The following CNOT6L variants were observed in gnomAD, a reference collection of about 807,000 sequenced individuals.
The protein encoded by CNOT6L is CCR4-NOT transcription complex subunit 6 like.
A neutral mutation model predicts 64.0 loss-of-function variants in CNOT6L; 7 were observed. The observed-to-expected ratio is 0.11, with a 90% confidence interval of 0.06 to 0.21. CNOT6L has a LOEUF of 0.21. Among genes scored for constraint, CNOT6L ranks in the 10% least tolerant of loss-of-function variants. CNOT6L has a pLI of 1.00. For synonymous variants in CNOT6L, 193 were observed against 243.4 expected, an observed-to-expected ratio of 0.79 and a Z score of 1.93; for missense variants, 245 against 669.0, an observed-to-expected ratio of 0.37 and a Z score of 6.99.
chr4:77,810,717 T>TGC (rs1732835121), intron 1 of CNOT6L, among the ~76,000 whole-genome samples: 1 of 152,176 alleles, frequency 6.6e-6, no homozygotes, highest in African/African-American at 2.4e-5. Context: ...CATCCTACAG[T>TGC]GCTACAGAAC....
At chr4:77,797,957 A>G (rs1397112050) in intron 1 of CNOT6L, among the ~76,000 whole-genome samples, 2 of 152,204 alleles carry the variant, frequency 1.3e-5, no homozygotes, top group African/African-American at 4.8e-5. Flanking sequence ...TTCAACACCA[A>G]AACAAAAGCA....
Position 77,766,806 on chromosome 4 carries a change from G to C in CNOT6L, c.400+6275C>G, listed in dbSNP as rs147235514. ...TGGCCAGGCACGGTGGCTCATACCT[G>C]TAATCCCAGCACTTTGAGAGGCAAA... On this transcript the variant is annotated intron_variant, in intron 4 of 11. Coordinates refer to ENST00000504123, the MANE Select transcript of CNOT6L (RefSeq NM_144571.3). Among the ~76,000 whole-genome samples the C allele has an allele frequency of 9.9e-4, 150 of 151,694 alleles. 1 individual carries two copies. The highest frequency in any genetic ancestry group is 3.1e-3 in the African/African-American group (129 of 41,446).
rs1439096522 is a variant in CNOT6L at position 77,719,151 on chromosome 4, C to T, written c.*1280G>A. On this transcript the variant is annotated 3_prime_UTR_variant, in exon 12 of 12. Transcript: ENST00000504123. Reference sequence around the variant, plus strand: ...CAATTTTTCCCCAGAAAACAGTATTCTGTTCACTGCCTCTTGAGTCACAGA... The same window carrying T: ...CAATTTTTCCCCAGAAAACAGTATTTTGTTCACTGCCTCTTGAGTCACAGA... The T allele has an allele frequency of 6.6e-6, 1 of 152,624 alleles. No individual in the cohort carries two copies. Among genetic ancestry groups the T allele is most frequent in the East Asian group, 1.9e-4 (1 of 5,202 alleles). The allele number at this position is 152,624 out of a possible 1,614,324, so 9.5% of individuals were successfully genotyped here. A position where few individuals can be genotyped will look rare whatever the true frequency, so the allele number is the denominator to read the frequency against.
intron 6 of CNOT6L, among the ~76,000 whole-genome samples, chr4:77,745,424 TGTGAG>T (rs1724079622): frequency 2.6e-5 from 4 of 152,346 alleles, no homozygotes; most frequent in African/African-American, 9.6e-5. Context: ...ATAAAAAGAC[TGTGAG>T]CAAACTAATA....
chr4:77,797,834 C>T (rs1731042071), intron 1 of CNOT6L, among the ~76,000 whole-genome samples: 1 of 152,130 alleles, frequency 6.6e-6, no homozygotes. Context: ...AAGGGTGGGA[C>T]TACTCTATGT....
chr4:77,723,335 G>A (rs1358296483), intron 11 of CNOT6L, among the ~76,000 whole-genome samples: 1 of 152,128 alleles, frequency 6.6e-6, no homozygotes, highest in Non-Finnish European at 1.5e-5. Context: ...GTTCAAGGAC[G>A]AAGAAAGTAA....
Position 77,715,204 on chromosome 4 carries a change from G to T in CNOT6L, c.*5227C>A, listed in dbSNP as rs1028202753. On this transcript the variant is annotated 3_prime_UTR_variant, in exon 12 of 12. Transcript: ENST00000504123. ...AGGCACCAAACTAGAGCCTCCGAAA[G>T]ATTCTGAAAGCTGAATGGACCATGC... The T allele has an allele frequency of 2.0e-5, 3 of 152,084 alleles. No homozygotes were observed. Among genetic ancestry groups the T allele is most frequent in the African/African-American group, 7.2e-5 (3 of 41,434 alleles). 9.4% of individuals were successfully genotyped at this position (152,084 alleles called of 1,614,324 possible).
chr4:77,748,135 A>G (rs1021669976), intron 6 of CNOT6L, among the ~76,000 whole-genome samples, 181 bp downstream of exon 6: 3 of 152,212 alleles, frequency 2.0e-5, no homozygotes, highest in Admixed American at 6.5e-5. Flanking sequence ...TGTGAAAGAT[A>G]TAAGACACCT....
At chr4:77,764,937 A>G (rs1032345006) in intron 4 of CNOT6L, among the ~76,000 whole-genome samples, 1 of 152,198 alleles carries the variant, frequency 6.6e-6, no homozygotes, top group African/African-American at 2.4e-5. Context: ...GAGCAACTCT[A>G]TCTTGAGTAG....
At position 77,729,171 on chromosome 4, in the gene CNOT6L, G is replaced by A. The variant is rs1722173384; in HGVS notation, c.1025-90C>T. 5.8e-6 allele frequency: 5 copies of A among 867,294 alleles called. No homozygotes were observed. The East Asian group carries it at 1.2e-4, about 21-fold the overall frequency. 53.7% of individuals were successfully genotyped at this position (867,294 alleles called of 1,614,324 possible). On this transcript the variant is annotated intron_variant, in intron 9 of 11. Transcript: ENST00000504123. Reference sequence around the variant, plus strand: ...TCAGGTTTTCTCAATATGATCCACAGCTACTTCTTTACTCTTTTCCATGAA... The same window carrying A: ...TCAGGTTTTCTCAATATGATCCACAACTACTTCTTTACTCTTTTCCATGAA...
At chr4:77,775,877 G>A (rs1728086370) in intron 2 of CNOT6L, among the ~76,000 whole-genome samples, 1 of 152,118 alleles carries the variant, frequency 6.6e-6, no homozygotes. Flanking sequence ...TTAAGGTCCT[G>A]TAACACAGTT....
chr4:77,783,366 T>C (rs1729108927), intron 1 of CNOT6L, among the ~76,000 whole-genome samples: 1 of 152,208 alleles, frequency 6.6e-6, no homozygotes, highest in Admixed American at 6.5e-5. Context: ...CTTACCCGCA[T>C]GGAGCATATA....
intron 9 of CNOT6L, among the ~76,000 whole-genome samples, chr4:77,731,035 C>G (rs930853710): frequency 6.6e-6 from 1 of 152,076 alleles, no homozygotes; most frequent in South Asian, 2.1e-4. Flanking sequence ...AAGAATCACA[C>G]TCAAGCTAAA....
intron 4 of CNOT6L, among the ~76,000 whole-genome samples, chr4:77,767,256 TTAAGA>T (rs1726954517): frequency 6.6e-6 from 1 of 152,044 alleles, no homozygotes; most frequent in South Asian, 2.1e-4. Context: ...TTGAATACAA[TTAAGA>T]TGTCAATTCT....
In CNOT6L at chr4:77,804,397, C is replaced by T. The variant is rs150643544; in HGVS notation, c.5+14907G>A. Reference sequence around the variant, plus strand: ...TGAACCGGTATCGTGCCACTGCACTCCAGCCTGGGTGATGCAGCAAGACCC... The same window carrying T: ...TGAACCGGTATCGTGCCACTGCACTTCAGCCTGGGTGATGCAGCAAGACCC... On this transcript the variant is annotated intron_variant, in intron 1 of 11. Coordinates refer to ENST00000504123, the MANE Select transcript of CNOT6L (RefSeq NM_144571.3). 3.0e-4 allele frequency among the ~76,000 whole-genome samples: 45 copies of T among 150,736 alleles called. No individual in the cohort carries two copies. In the East Asian group the frequency reaches 7.8e-3, roughly 26 times the overall value.
intron 6 of CNOT6L, among the ~76,000 whole-genome samples, chr4:77,745,686 C>T (rs758845495): frequency 1.1e-4 from 16 of 152,070 alleles, no homozygotes; most frequent in African/African-American, 1.7e-4. Flanking sequence ...CTTTGTAGAC[C>T]TTATAAAGAA....
intron 4 of CNOT6L, among the ~76,000 whole-genome samples, chr4:77,771,638 G>C (rs1488845827): frequency 6.6e-6 from 1 of 152,146 alleles, no homozygotes; most frequent in African/African-American, 2.4e-5. Context: ...TATAACACAA[G>C]ATTCAAACCA....
chr4:77,795,602 G>C (rs1368737633), intron 1 of CNOT6L, among the ~76,000 whole-genome samples: 3 of 152,104 alleles, frequency 2.0e-5, no homozygotes, highest in Non-Finnish European at 4.4e-5. Flanking sequence ...TCTCTCTCCT[G>C]CTGGCCTTGT....
At chr4:77,745,418 A>G (rs1258754860) in intron 6 of CNOT6L, among the ~76,000 whole-genome samples, 1 of 152,212 alleles carries the variant, frequency 6.6e-6, no homozygotes, top group African/African-American at 2.4e-5. Context: ...TTAACTATAA[A>G]AAGACTGTGA....
Sources: gnomAD v4.1 joint callset for allele counts (sites outside exome capture counted in the v4.1 genomes callset) on GRCh38, gnomAD v4.1.1 for gene constraint, MANE v1.5 for transcripts, NCBI Gene and HGNC (gene_info 2026-07-23, HGNC 2026-07-21) for gene names.